The following ARL1 variants were observed in gnomAD, a reference collection of about 807,000 sequenced individuals.
ARL1 encodes ADP-ribosylation factor-like protein 1.
Under a neutral mutation model 30.1 loss-of-function variants are expected in ARL1, and 17 were observed. The observed-to-expected ratio is 0.56, with a 90% CI of 0.39 to 0.85. The LOEUF is 0.85. Among genes scored for constraint, ARL1 ranks in the 40% least tolerant of loss-of-function variants. The pLI, the probability that ARL1 is intolerant of heterozygous loss-of-function variation, is 0.00. For missense variants in ARL1, 102 were observed against 212.6 expected (o/e 0.48, Z 3.24); for synonymous variants, 58 against 71.7 (o/e 0.81, Z 0.97).
chr12:101,398,746 T>C (rs1216776343), intron 4 of ARL1, among the ~76,000 whole-genome samples: 7 of 152,182 alleles, frequency 4.6e-5, no homozygotes, highest in Admixed American at 4.6e-4. Flanking sequence ...CCTGTGTCTA[T>C]ATGTTTTAAC....
At chr12:101,395,723 T>C in intron 5 of ARL1, 53 bp from the exon 6 acceptor site, 1 of 1,291,266 alleles carries the variant, frequency 7.7e-7, no homozygotes, top group Non-Finnish European at 1.1e-6. Flanking sequence ...GTATAAAGCA[T>C]GATCATCTAT....
rs1871065977 is a variant in ARL1 at position 101,393,486 on chromosome 12, C to T, written c.*2154G>A. 1 of 152,164 alleles carries T rather than the reference C, an allele frequency of 6.6e-6. No homozygotes were observed. The highest frequency in any genetic ancestry group is 1.5e-5 in the Non-Finnish European group (1 of 68,044). The allele number at this position is 152,164 out of a possible 1,614,324, so 9.4% of individuals were successfully genotyped here. ...TTCAAGTTTGGTGTTTTACCCATTGCCAGGCCTCTCATAAAACAATATTCA... is the reference window on the plus strand; with the variant it reads ...TTCAAGTTTGGTGTTTTACCCATTGTCAGGCCTCTCATAAAACAATATTCA... On this transcript the variant is annotated 3_prime_UTR_variant, in exon 6 of 6. Transcript: ENST00000261636.
chr12:101,398,460 T>C (rs2121109213), intron 4 of ARL1, among the ~76,000 whole-genome samples: 1 of 151,954 alleles, frequency 6.6e-6, no homozygotes, highest in East Asian at 1.9e-4. Flanking sequence ...TTTTTGTTTG[T>C]TTGTTTTGAG....
At chr12:101,399,509 T>TAAAAAAAAAA (rs200979843) in intron 4 of ARL1, among the ~76,000 whole-genome samples, 2 of 110,566 alleles carry the variant, frequency 1.8e-5, no homozygotes, top group African/African-American at 4.5e-5. Flanking sequence ...AGACTCTGTC[T>TAAAAAAAAAA]AAAAAAAAAA....
In ARL1 at chr12:101,394,009, C is replaced by G. The variant is rs1205811700; in HGVS notation, c.*1631G>C. 4.6e-5 allele frequency: 7 copies of G among 151,246 alleles called. No homozygotes were observed. Among genetic ancestry groups the G allele is most frequent in the Non-Finnish European group, 8.8e-5 (6 of 67,960 alleles). The allele number at this position is 151,246 out of a possible 1,614,324, so 9.4% of individuals were successfully genotyped here. ...ACTAGGGACATAAATATGAAAAAGT[C>G]TTTGCCCCTCAGGAGTAATATTGGT... On this transcript the variant is annotated 3_prime_UTR_variant, in exon 6 of 6. Transcript: ENST00000261636.
intron 1 of ARL1, 137 bp downstream of exon 1, chr12:101,407,505 G>A (rs1357772829): frequency 2.6e-6 from 3 of 1,169,174 alleles, no homozygotes; most frequent in African/African-American, 1.5e-5. Flanking sequence ...TCCAAAGTGA[G>A]TCAAGTCCTC....
At chr12:101,405,631 A>G in intron 2 of ARL1, 1 of 333,558 alleles carries the variant, frequency 3.0e-6, no homozygotes, top group East Asian at 4.6e-5. Flanking sequence ...TTATTCAGAA[A>G]TAGGCCTGGC....
At chr12:101,400,265 A>C (rs1484099381) in intron 4 of ARL1, 1 of 151,646 alleles carries the variant, frequency 6.6e-6, no homozygotes, top group Non-Finnish European at 1.5e-5. Context: ...GTAAAAAAAC[A>C]GTAAGTGGGG....
At chr12:101,396,624 C>T in intron 4 of ARL1, 47 bp from the exon 5 acceptor site, 1 of 1,507,066 alleles carries the variant, frequency 6.6e-7, no homozygotes, top group South Asian at 1.2e-5. Context: ...AATGTGCTCT[C>T]TCGAGTTTAG....
At chr12:101,397,748 C>A (rs751475156) in intron 4 of ARL1, among the ~76,000 whole-genome samples, 3 of 152,068 alleles carry the variant, frequency 2.0e-5, no homozygotes, top group East Asian at 3.9e-4. Flanking sequence ...ATGATCCACC[C>A]GCCTCGGCCT....
chr12:101,399,166 T>C (rs1871232492), intron 4 of ARL1, among the ~76,000 whole-genome samples: 1 of 152,114 alleles, frequency 6.6e-6, no homozygotes, highest in Admixed American at 6.6e-5. Flanking sequence ...GTCTGCAATT[T>C]ATAACTTGGA....
At chr12:101,400,395 G>GA (rs528819447) in intron 4 of ARL1, 22 of 120,356 alleles carry the variant, frequency 1.8e-4, no homozygotes, top group Non-Finnish European at 3.1e-4. Context: ...CAAAAAAAAA[G>GA]AAAAAAAAAA....
rs1363716766 is a variant in ARL1 at position 101,394,811 on chromosome 12, T to A, written c.*829A>T. On this transcript the variant is annotated 3_prime_UTR_variant, in exon 6 of 6. Transcript: ENST00000261636. ...TTTATTTAAGAGTTAGACTGTGTTG[T>A]CAATACTGACATTTTTGGGAATATA... The A allele has an allele frequency of 1.3e-5, 2 of 152,234 alleles. No individual in the cohort carries two copies. Among genetic ancestry groups the A allele is most frequent in the African/African-American group, 2.4e-5 (1 of 41,464 alleles). The allele number at this position is 152,234 out of a possible 1,614,324, so 9.4% of individuals were successfully genotyped here.
At chr12:101,406,008 A>C in intron 1 of ARL1, 27 bp from the exon 2 acceptor site, 1 of 1,530,832 alleles carries the variant, frequency 6.5e-7, no homozygotes, top group Non-Finnish European at 8.8e-7. Flanking sequence ...GAAAAAACAT[A>C]CACAATGTCA....
chr12:101,404,324 C>G (rs746931621), intron 2 of ARL1, among the ~76,000 whole-genome samples: 1 of 151,918 alleles, frequency 6.6e-6, no homozygotes, highest in Non-Finnish European at 1.5e-5. Context: ...TAGAGGTAGA[C>G]GCTGCAGTGA....
chr12:101,401,175 T>A lies in ARL1; in HGVS notation c.225-2A>T. On this transcript the variant is annotated splice_acceptor_variant, in intron 3 of 5. Coordinates refer to ENST00000261636, the MANE Select transcript of ARL1 (RefSeq NM_001177.6). LOFTEE classifies it high-confidence loss of function. ...GAATAGTAACATCTCCAGTATGGCC[T>A]AGAGAAAATTTAAAAGGGGAGAACA... 1 of 1,597,374 alleles carries A rather than the reference T, an allele frequency of 6.3e-7. No homozygotes were observed. The highest frequency in any genetic ancestry group is 8.6e-7 in the Non-Finnish European group (1 of 1,167,622).
chr12:101,399,880 A>C (rs1871256050), intron 4 of ARL1, among the ~76,000 whole-genome samples: 1 of 152,166 alleles, frequency 6.6e-6, no homozygotes, highest in Middle Eastern at 3.2e-3. Flanking sequence ...AACTCAAAGA[A>C]CTTACATTTT....
chr12:101,407,633 A>G lies in ARL1; in HGVS notation c.4+9T>C. On this transcript the variant is annotated intron_variant, in intron 1 of 5. Coordinates refer to ENST00000261636, the MANE Select transcript of ARL1 (RefSeq NM_001177.6). Reference sequence around the variant, plus strand: ...GAGCGCGCCCAGGTGCCCTTCTCGAACCCCTCACCCATGATGAACCCCCTG... The same window carrying G: ...GAGCGCGCCCAGGTGCCCTTCTCGAGCCCCTCACCCATGATGAACCCCCTG... 6.2e-7 allele frequency: 1 copy of G among 1,610,662 alleles called. No individual in the cohort carries two copies. Among genetic ancestry groups the G allele is most frequent in the South Asian group, 1.1e-5 (1 of 91,028 alleles).
rs1871344125 is a variant in ARL1 at position 101,402,953 on chromosome 12, G to A, written c.143-7C>T. ...TCTACATTAAATCCAATGGCTGGAAGAGAAATCAAATCAGTGGTATGTGTA... is the reference window on the plus strand; with the variant it reads ...TCTACATTAAATCCAATGGCTGGAAAAGAAATCAAATCAGTGGTATGTGTA... On this transcript the variant is annotated splice_region_variant and splice_polypyrimidine_tract_variant and intron_variant, in intron 2 of 5. Coordinates refer to ENST00000261636, the MANE Select transcript of ARL1 (RefSeq NM_001177.6). The A allele has an allele frequency of 3.1e-6, 5 of 1,608,474 alleles. No individual in the cohort carries two copies. Among genetic ancestry groups the A allele is most frequent in the Non-Finnish European group, 4.3e-6 (5 of 1,175,450 alleles).
Sources: allele counts gnomAD v4.1 joint callset (sites outside exome capture counted in the v4.1 genomes callset), GRCh38; gene constraint gnomAD v4.1.1; transcripts MANE v1.5; gene names NCBI Gene and HGNC (gene_info 2026-07-23, HGNC 2026-07-21).